Variants in ATG9A observed in about 807,000 individuals in gnomAD.
ATG9A encodes the protein autophagy-related protein 9A.
Under a neutral mutation model 87.1 loss-of-function variants are expected in ATG9A, and 21 were observed. The observed-to-expected ratio is 0.24, with a 90% confidence interval of 0.17 to 0.35. The LOEUF (loss-of-function observed/expected upper bound fraction) is 0.35. Among genes scored for constraint, ATG9A ranks in the 10% least tolerant of loss-of-function variants. ATG9A has a pLI of 1.00. For missense variants in ATG9A, 836 were observed against 1,107.3 expected (o/e 0.76, Z 3.48); for synonymous variants, 422 against 441.3 (o/e 0.96, Z 0.55).
rs762204626 is a variant in ATG9A, at chr2:219,224,165, C to T, written c.1206G>A (p.Leu402=). Reference sequence around the variant, plus strand: ...CGGTGGTCAGCACATGTTCCACAGCCAACACATCTTCGTCATAAATGGTGA... The same window carrying T: ...CGGTGGTCAGCACATGTTCCACAGCTAACACATCTTCGTCATAAATGGTGA... The part of the protein sequence containing the change: ...IALTIYDEDV[L]AVEHVLTTVT... The change falls in exon 8 of 16, where the codon TTG becomes TTA. Residue 402 remains leucine (L), a synonymous_variant. Coordinates refer to ENST00000361242, the MANE Select transcript of ATG9A (RefSeq NM_001077198.3). This position sits in a 1 kb window ranked among gnomAD's most constrained non-coding sequence, Gnocchi z 7.7. The T allele has an allele frequency of 2.7e-4, 428 of 1,613,760 alleles. No individual in the cohort carries two copies. The highest frequency in any genetic ancestry group is 3.4e-4 in the Non-Finnish European group (399 of 1,180,044).
In ATG9A at chr2:219,220,844, AGAGGCAGCC is replaced by A. The variant is rs763463401; in HGVS notation, c.2408_2416del (p.Arg803_Pro805del). The stretch of plus-strand genomic sequence containing the variant: ...CTGCCCATCTTCTGCCCACCCTCCA[AGAGGCAGCC>A]GAGAGAAATGAGAGGGAACCCTGGG... On this transcript the variant is annotated inframe_deletion, in exon 15 of 16. Coordinates refer to ENST00000361242, the MANE Select transcript of ATG9A (RefSeq NM_001077198.3). 26 of 1,613,478 alleles carry A rather than the reference AGAGGCAGCC, an allele frequency of 1.6e-5. No individual in the cohort carries two copies. In the East Asian group the frequency reaches 5.6e-4, roughly 35 times the overall value.
rs1234241222 is a variant in ATG9A at position 219,219,887 on chromosome 2, A to G, written c.*560T>C. On this transcript the variant is annotated 3_prime_UTR_variant, in exon 16 of 16. Transcript: ENST00000361242. ...GCAAAAGCCGAACGGAACGGGAGCA[A>G]GCGAACAGAACAGGAGCAAGCAGCA... 6.5e-6 allele frequency: 1 copy of G among 154,562 alleles called. No individual in the cohort carries two copies. The highest frequency in any genetic ancestry group is 1.9e-4 in the East Asian group (1 of 5,232). 9.6% of individuals were successfully genotyped at this position (154,562 alleles called of 1,614,324 possible).
chr2:219,222,193 G>A lies in ATG9A; in HGVS notation c.2028-26C>T, dbSNP rs747456178. 1.2e-6 allele frequency: 2 copies of A among 1,613,362 alleles called. No individual in the cohort carries two copies. The highest frequency in any genetic ancestry group is 1.1e-5 in the South Asian group (1 of 91,016). The stretch of plus-strand genomic sequence containing the variant: ...CTGTCTCTCCCAACAGAGACAGACA[G>A]CAGCTGTGAACTTCTCTGAGACCCA... On this transcript the variant is annotated intron_variant, in intron 12 of 15. Transcript: ENST00000361242. The surrounding 1 kb of genome is among the most constrained non-coding windows in gnomAD (Gnocchi z 4.3).
chr2:219,221,115 T>C lies in ATG9A; in HGVS notation c.2333A>G (p.His778Arg), dbSNP rs1436974785. The C allele has an allele frequency of 1.9e-6, 3 of 1,612,890 alleles. No individual in the cohort carries two copies. Among genetic ancestry groups the C allele is most frequent in the South Asian group, 1.1e-5 (1 of 90,926 alleles). The change falls in exon 14 of 16, where the codon CAT becomes CGT. Residue 778 changes from histidine to arginine, a missense_variant. Physicochemically the swap from His to Arg is conservative, Grantham distance 29. Transcript: ENST00000361242. ...ACCGTAGCGCCTCTGGAAGCCCCCA[T>C]GCAGGGCAGTGGTCTCAGGAGCTCC... The part of the protein sequence containing the change: ...RPGAPETTAL[H>R]GGFQRRYGGI...
chr2:219,223,024 C>G lies in ATG9A; in HGVS notation c.1600-131G>C. ...TATACTGTCAATCTTTCCCAGGGCA[C>G]TGGTGCCCCCCCAGACCCAGGAGGG... On this transcript the variant is annotated intron_variant, in intron 10 of 15. Coordinates refer to ENST00000361242, the MANE Select transcript of ATG9A (RefSeq NM_001077198.3). This position sits in a 1 kb window ranked among gnomAD's most constrained non-coding sequence, Gnocchi z 4.7. 1 of 1,240,058 alleles carries G rather than the reference C, an allele frequency of 8.1e-7. No homozygotes were observed. Among genetic ancestry groups the G allele is most frequent in the East Asian group, 2.5e-5 (1 of 39,450 alleles). The allele number at this position is 1,240,058 out of a possible 1,614,324, so 76.8% of individuals were successfully genotyped here.
chr2:219,227,315 C>T (rs1167098322), intron 4 of ATG9A, among the ~76,000 whole-genome samples: 3 of 152,076 alleles, frequency 2.0e-5, no homozygotes, highest in Non-Finnish European at 2.9e-5. Flanking sequence ...GTCAGGAGTT[C>T]GAGACCAGCC....
chr2:219,226,207 T>A (rs1410859553), intron 5 of ATG9A, among the ~76,000 whole-genome samples: 1 of 152,030 alleles, frequency 6.6e-6, no homozygotes, highest in South Asian at 2.1e-4. Context: ...ACCTCCCAGG[T>A]TGAAGCGATT....
Position 219,222,290 on chromosome 2 carries a change from CTG to C in ATG9A, c.2007_2008del (p.His669GlnfsTer55). On this transcript the variant is annotated frameshift_variant, in exon 12 of 16. Transcript: ENST00000361242. LOFTEE classifies it high-confidence loss of function. The surrounding 1 kb of genome is among the most constrained non-coding windows in gnomAD (Gnocchi z 4.3). The stretch of plus-strand genomic sequence containing the variant: ...TACTCACCCAGAGCCTGTCATGGTG[CTG>C]TGAGCCCGGCCTGTGGGCGCCTGCC... 6.2e-7 allele frequency: 1 copy of C among 1,613,488 alleles called. No homozygotes were observed.
rs571016787 is a variant in ATG9A at position 219,220,928 on chromosome 2, AG to A, written c.2369-37del. ...AAGTAAGAGTAAGCATACTCATAGA[AG>A]GAACACAAGAATGAGGAACAGGGCT... On this transcript the variant is annotated intron_variant, in intron 14 of 15. Coordinates refer to ENST00000361242, the MANE Select transcript of ATG9A (RefSeq NM_001077198.3). 154 of 1,611,600 alleles carry A rather than the reference AG, an allele frequency of 9.6e-5. 2 individuals are homozygous for A. The South Asian group carries it at 1.5e-3, about 16-fold the overall frequency.
In ATG9A at chr2:219,223,917, G is replaced by C; in HGVS notation, c.1371C>G (p.His457Gln). Residue 457 changes from histidine to glutamine, a missense_variant, in exon 9 of 16, where the codon CAC (histidine) becomes CAG (glutamine). By Grantham distance (24) the His-to-Gln change is conservative (BLOSUM62 0). Transcript: ENST00000361242. This position sits in a 1 kb window ranked among gnomAD's most constrained non-coding sequence, Gnocchi z 4.7. The stretch of plus-strand genomic sequence containing the variant: ...CAAACTCGTCCCGGGTCTGCGAGCG[G>C]TGGGCATTACCCTGCCAGTGGTCAG... ...YMPDHWQGNAHRSQTRDEFAQ... is the reference protein window; with the variant it reads ...YMPDHWQGNAQRSQTRDEFAQ... 6.2e-7 allele frequency: 1 copy of C among 1,614,214 alleles called. No homozygotes were observed. The highest frequency in any genetic ancestry group is 8.5e-7 in the Non-Finnish European group (1 of 1,180,038).
chr2:219,223,881 G>A lies in ATG9A; in HGVS notation c.1407C>T (p.Phe469=), dbSNP rs1317300754. The part of the protein sequence containing the change: ...SQTRDEFAQL[F]QYKAVFILEE... The stretch of plus-strand genomic sequence containing the variant: ...CAACTCCACTCACTGCCTTGTACTG[G>A]AAGAGCTGGGCAAACTCGTCCCGGG... Residue 469 remains phenylalanine, a synonymous_variant, in exon 9 of 16, where the codon TTC becomes TTT. Transcript: ENST00000361242. The surrounding 1 kb of genome is among the most constrained non-coding windows in gnomAD (Gnocchi z 4.7). 1.9e-6 allele frequency: 3 copies of A among 1,614,172 alleles called. No individual in the cohort carries two copies. Among genetic ancestry groups the A allele is most frequent in the Non-Finnish European group, 2.5e-6 (3 of 1,180,040 alleles).
Position 219,224,248 on chromosome 2 carries a change from G to C in ATG9A, c.1123C>G (p.Leu375Val), listed in dbSNP as rs1950819813. The change falls in exon 8 of 16, where the codon CTG (leucine) becomes GTG (valine). Residue 375 changes from leucine (L) to valine (V), a missense_variant. Leu to Val is a conservative substitution (Grantham distance 32). Around this residue, in one of 2 missense-constraint regions of ATG9A, gnomAD observed 512 missense variants for 759.6 expected, o/e 0.67. Transcript: ENST00000361242. This position sits in a 1 kb window ranked among gnomAD's most constrained non-coding sequence, Gnocchi z 7.7. ...AAGAAGGCTCCATTCTTGGCCAGCA[G>C]TGTCAAAAGAGGTGACAAGAAGCAA... ...MNCFLSPLLT[L>V]LAKNGAFFAG... The C allele has an allele frequency of 6.2e-7, 1 of 1,613,970 alleles. No homozygotes were observed. Among genetic ancestry groups the C allele is most frequent in the East Asian group, 2.2e-5 (1 of 44,892 alleles).
rs542005396 is a variant in ATG9A at position 219,223,298 on chromosome 2, C to T, written c.1599+287G>A. Among the ~76,000 whole-genome samples the T allele has an allele frequency of 1.7e-4, 26 of 152,188 alleles. No homozygotes were observed. Among genetic ancestry groups the T allele is most frequent in the African/African-American group, 6.0e-4 (25 of 41,524 alleles). On this transcript the variant is annotated intron_variant, in intron 10 of 15. Coordinates refer to ENST00000361242, the MANE Select transcript of ATG9A (RefSeq NM_001077198.3). The surrounding 1 kb of genome is among the most constrained non-coding windows in gnomAD (Gnocchi z 4.7). ...AGAGAAGGGGTTTCACCGTGTTAGC[C>T]AGGATGGTCTCGATCTCCTGACCTC...
At position 219,222,458 on chromosome 2, in the gene ATG9A, C is replaced by A. The variant is rs775181712; in HGVS notation, c.1849-8G>T. On this transcript the variant is annotated splice_polypyrimidine_tract_variant and splice_region_variant and intron_variant, in intron 11 of 15. Transcript: ENST00000361242. The surrounding 1 kb of genome is among the most constrained non-coding windows in gnomAD (Gnocchi z 4.3). ...TGCGATAAGGCTCAGGGGCTATGAA[C>A]GAAACGGGTAGGTAGAATTCTTGAG... is the stretch of plus-strand genomic sequence containing the variant. 8.4e-6 allele frequency: 13 copies of A among 1,550,956 alleles called. No individual in the cohort carries two copies. The highest frequency in any genetic ancestry group is 2.3e-5 in the East Asian group (1 of 44,354).
At chr2:219,228,098 C>T in intron 2 of ATG9A, 45 bp from the exon 3 acceptor site, 30 of 1,400,562 alleles carry the variant, frequency 2.1e-5, no homozygotes, top group Non-Finnish European at 3.0e-5. Context: ...GTTCCAGCTG[C>T]TGCCCATGGG....
Position 219,224,910 on chromosome 2 carries a change from C to A in ATG9A, c.517-56G>T. ...ACGGAAGGTGGGGTTGTTGCCTCGA[C>A]CCCTTTGCCCTATATTAGAAGTGAG... On this transcript the variant is annotated intron_variant, in intron 7 of 15. Coordinates refer to ENST00000361242, the MANE Select transcript of ATG9A (RefSeq NM_001077198.3). The surrounding 1 kb of genome is among the most constrained non-coding windows in gnomAD (Gnocchi z 7.7). 1 of 1,593,454 alleles carries A rather than the reference C, an allele frequency of 6.3e-7. No individual in the cohort carries two copies. Among genetic ancestry groups the A allele is most frequent in the South Asian group, 1.1e-5 (1 of 89,442 alleles).
chr2:219,227,527 G>T (rs1375895286), intron 4 of ATG9A, among the ~76,000 whole-genome samples: 1 of 151,126 alleles, frequency 6.6e-6, no homozygotes, highest in African/African-American at 2.4e-5. Context: ...AAAAAAAAAG[G>T]AGGCTCACCC....
rs1287423492 is a variant in ATG9A at position 219,222,930 on chromosome 2, C to T, written c.1600-37G>A. 1 of 1,609,232 alleles carries T rather than the reference C, an allele frequency of 6.2e-7. No homozygotes were observed. The highest frequency in any genetic ancestry group is 8.5e-7 in the Non-Finnish European group (1 of 1,177,474). Reference sequence around the variant, plus strand: ...AGAGCAGAGTAAGCAGGGCTGTTCTCTTCCAGGAGCCTTCCTGCACCTTTC... The same window carrying T: ...AGAGCAGAGTAAGCAGGGCTGTTCTTTTCCAGGAGCCTTCCTGCACCTTTC... On this transcript the variant is annotated intron_variant, in intron 10 of 15. Coordinates refer to ENST00000361242, the MANE Select transcript of ATG9A (RefSeq NM_001077198.3). This position sits in a 1 kb window ranked among gnomAD's most constrained non-coding sequence, Gnocchi z 4.3.
chr2:219,221,924 G>C, intron 13 of ATG9A, 126 bp downstream of exon 13: 1 of 816,876 alleles, frequency 1.2e-6, no homozygotes, highest in Non-Finnish European at 1.9e-6. Context: ...AGCTAAAAAG[G>C]ATATTAAGAA....
Sources: allele counts gnomAD v4.1 joint callset (sites outside exome capture counted in the v4.1 genomes callset), GRCh38; gene constraint gnomAD v4.1.1; regional missense constraint gnomAD v4.1.1; non-coding constraint Gnocchi (gnomAD v3.1); transcripts MANE v1.5; gene names NCBI Gene and HGNC (gene_info 2026-07-23, HGNC 2026-07-21).